CNTN5: variants seen among roughly 807,000 people sequenced by gnomAD.
The protein encoded by CNTN5 is contactin-5.
A neutral mutation model predicts 129.1 loss-of-function variants in CNTN5; 77 were observed. That is an observed-to-expected ratio of 0.60 (90% CI 0.50 to 0.72). CNTN5 has a LOEUF of 0.72. Ranked by LOEUF, CNTN5 falls within the 30% of genes least tolerant of loss-of-function variation. The pLI is 0.00. For missense variants in CNTN5, 1,478 were observed against 1,328.8 expected (o/e 1.11, Z -1.75); for synonymous variants, 509 against 465.6 (o/e 1.09, Z -1.20).
intron 9 of CNTN5, among the ~76,000 whole-genome samples, chr11:100,056,250 A>G (rs1330806282): frequency 1.3e-5 from 2 of 151,676 alleles, no homozygotes; most frequent in Non-Finnish European, 3.0e-5. Context: ...GCTGTTCTGT[A>G]TTTTGTGATT....
At chr11:100,229,092 T>C (rs1361681806) in intron 16 of CNTN5, among the ~76,000 whole-genome samples, 1 of 152,082 alleles carries the variant, frequency 6.6e-6, no homozygotes, top group East Asian at 1.9e-4. Flanking sequence ...TCTACAGAAA[T>C]AAAAGCATGT....
chr11:100,030,377 T>G (rs1941646228), intron 9 of CNTN5, among the ~76,000 whole-genome samples: 1 of 152,134 alleles, frequency 6.6e-6, no homozygotes, highest in African/African-American at 2.4e-5. Flanking sequence ...CTTGTCTATA[T>G]TAAATAAATA....
intron 2 of CNTN5, among the ~76,000 whole-genome samples, chr11:99,487,549 A>G (rs952752803): frequency 2.0e-5 from 3 of 152,188 alleles, no homozygotes; most frequent in African/African-American, 7.2e-5. Context: ...TACAAAATCA[A>G]ACGTAATAGT....
intron 2 of CNTN5, among the ~76,000 whole-genome samples, chr11:99,373,259 A>G (rs887528886): frequency 6.6e-6 from 1 of 152,184 alleles, no homozygotes. Context: ...AGCCTAACAA[A>G]TAGAGTACAA....
intron 9 of CNTN5, among the ~76,000 whole-genome samples, chr11:100,016,288 G>A (rs1340964144): frequency 6.6e-6 from 1 of 151,982 alleles, no homozygotes; most frequent in Non-Finnish European, 1.5e-5. Context: ...CATCTCCTAT[G>A]CCCATATCAT....
intron 23 of CNTN5, among the ~76,000 whole-genome samples, chr11:100,349,616 T>C (rs1591534872): frequency 6.6e-6 from 1 of 152,022 alleles, no homozygotes; most frequent in East Asian, 1.9e-4. Flanking sequence ...TCTTTTGCTA[T>C]GTTTTGTAGG....
intron 8 of CNTN5, among the ~76,000 whole-genome samples, chr11:99,983,208 G>A (rs1164145465): frequency 6.6e-6 from 1 of 152,280 alleles, no homozygotes; most frequent in African/African-American, 2.4e-5. Flanking sequence ...TTCTAAAGAT[G>A]GAGAGATGAA....
At chr11:99,723,554 ACT>A (rs1371298290) in intron 3 of CNTN5, among the ~76,000 whole-genome samples, 1 of 152,050 alleles carries the variant, frequency 6.6e-6, no homozygotes, top group Non-Finnish European at 1.5e-5. Context: ...TTGCATTTAT[ACT>A]CTGTTTTATT....
intron 6 of CNTN5, among the ~76,000 whole-genome samples, chr11:99,849,179 A>T (rs1401498430): frequency 6.6e-6 from 1 of 151,662 alleles, no homozygotes; most frequent in Non-Finnish European, 1.5e-5. Context: ...TCCATATACT[A>T]ACAATTATTA....
rs545801505 is a variant in CNTN5, at chr11:99,724,333, G to C, written c.56-95211G>C. ...GCACTTATTTAAATTACAAAGTGGAGAGAGACGTTGTATCCATGTCTCAAG... is the reference window on the plus strand; with the variant it reads ...GCACTTATTTAAATTACAAAGTGGACAGAGACGTTGTATCCATGTCTCAAG... On this transcript the variant is annotated intron_variant, in intron 3 of 24. Coordinates refer to ENST00000524871, the MANE Select transcript of CNTN5 (RefSeq NM_014361.4). 7.9e-5 allele frequency among the ~76,000 whole-genome samples: 12 copies of C among 152,202 alleles called. No homozygotes were observed. The South Asian group carries it at 2.5e-3, about 32-fold the overall frequency.
chr11:99,523,529 A>C (rs1947348377), intron 2 of CNTN5, among the ~76,000 whole-genome samples: 1 of 151,970 alleles, frequency 6.6e-6, no homozygotes, highest in Admixed American at 6.6e-5. Flanking sequence ...CTGGCGATGG[A>C]GGTAGCTGTG....
intron 13 of CNTN5, among the ~76,000 whole-genome samples, chr11:100,093,505 G>T (rs376458961): frequency 1.3e-4 from 20 of 152,068 alleles, no homozygotes; most frequent in African/African-American, 4.8e-4. Context: ...GGCCTCAAGT[G>T]GTTCTCCCAC....
chr11:99,813,821 T>C (rs904482594), intron 3 of CNTN5, among the ~76,000 whole-genome samples: 4 of 152,230 alleles, frequency 2.6e-5, no homozygotes, highest in South Asian at 4.1e-4. Flanking sequence ...ATAGGTTTAA[T>C]GTAGCAAAAA....
At chr11:99,990,776 C>T (rs1365354967) in intron 8 of CNTN5, among the ~76,000 whole-genome samples, 1 of 152,012 alleles carries the variant, frequency 6.6e-6, no homozygotes, top group Non-Finnish European at 1.5e-5. Context: ...TTAGAATTTC[C>T]AAATACTATA....
chr11:100,173,693 G>A (rs1375100834), intron 13 of CNTN5, among the ~76,000 whole-genome samples: 2 of 152,148 alleles, frequency 1.3e-5, no homozygotes, highest in Non-Finnish European at 2.9e-5. Context: ...GAACTCTGCA[G>A]TAAGGAGGTT....
intron 3 of CNTN5, among the ~76,000 whole-genome samples, chr11:99,787,949 G>A (rs529759224): frequency 8.6e-5 from 13 of 151,872 alleles, no homozygotes; most frequent in African/African-American, 3.1e-4. Flanking sequence ...TAATTATAAT[G>A]CCATTATAAT....
intron 3 of CNTN5, among the ~76,000 whole-genome samples, chr11:99,614,824 G>A (rs1361783870): frequency 6.6e-6 from 1 of 152,010 alleles, no homozygotes; most frequent in East Asian, 1.9e-4. Context: ...GCAGCCAATA[G>A]CAACACAAAG....
chr11:99,162,091 C>T (rs1425389965), intron 1 of CNTN5, among the ~76,000 whole-genome samples: 2 of 151,644 alleles, frequency 1.3e-5, no homozygotes, highest in Non-Finnish European at 2.9e-5. Context: ...AATAGAACCT[C>T]CTTTTTTTTT....
intron 1 of CNTN5, among the ~76,000 whole-genome samples, chr11:99,077,591 C>A (rs1386035746): frequency 6.6e-6 from 1 of 152,158 alleles, no homozygotes; most frequent in Non-Finnish European, 1.5e-5. Flanking sequence ...GAACTAAAAG[C>A]ATCACTAAGT....
Sources: allele counts gnomAD v4.1 joint callset (sites outside exome capture counted in the v4.1 genomes callset), GRCh38; gene constraint gnomAD v4.1.1; transcripts MANE v1.5; gene names NCBI Gene and HGNC (gene_info 2026-07-23, HGNC 2026-07-21).